The following LHX8 variants were observed in gnomAD, a reference collection of about 807,000 sequenced individuals.
LHX8 encodes LIM homeobox 8, also known as LIM/homeobox protein Lhx8.
In LHX8, 12 loss-of-function variants were observed where a neutral mutation model predicts 40.3. The ratio of observed to expected loss-of-function variants is 0.30; its 90% CI spans 0.19 to 0.48. LHX8 has a LOEUF of 0.48. Among genes scored for constraint, LHX8 ranks in the 20% least tolerant of loss-of-function variants. The pLI, the probability that LHX8 is intolerant of heterozygous loss-of-function variation, is 0.99. For missense variants in LHX8, 344 were observed against 433.7 expected, an observed-to-expected ratio of 0.79 and a Z score of 1.84; for synonymous variants, 179 against 162.0, an observed-to-expected ratio of 1.10 and a Z score of -0.80.
At chr1:75,186,508 A>G in the LHX8 span, among the ~76,000 whole-genome samples, 1 of 152,190 alleles carries the variant, frequency 6.6e-6, no homozygotes, top group Non-Finnish European at 1.5e-5. Flanking sequence ...AGTTGGGGAG[A>G]CATTTCCTTT....
At chr1:75,143,644 C>A (rs11807782) in intron 5 of LHX8, among the ~76,000 whole-genome samples, 1,820 of 152,220 alleles carry the variant, frequency 0.012, 47 homozygotes, top group African/African-American at 0.042. Context: ...ACTTTTTGAA[C>A]TTTTCACTAA....
At chr1:75,148,524 T>C in intron 6 of LHX8, 63 bp from the exon 7 acceptor site, 1 of 1,115,714 alleles carries the variant, frequency 9.0e-7, no homozygotes. Context: ...ATGATAAAAA[T>C]GCAGGAAGAA....
intron 8 of LHX8, among the ~76,000 whole-genome samples, chr1:75,157,539 A>G (rs1313227106): frequency 1.3e-5 from 2 of 152,202 alleles, no homozygotes; most frequent in African/African-American, 2.4e-5. Context: ...ATCCATATAG[A>G]TATTGCCCAA....
the LHX8 span, among the ~76,000 whole-genome samples, chr1:75,196,225 T>C: frequency 6.6e-6 from 1 of 152,132 alleles, no homozygotes; most frequent in Non-Finnish European, 1.5e-5. Flanking sequence ...AGCACTATTG[T>C]CAATATTCTG....
At chr1:75,168,076 C>T in the LHX8 span, among the ~76,000 whole-genome samples, 1 of 152,200 alleles carries the variant, frequency 6.6e-6, no homozygotes, top group Non-Finnish European at 1.5e-5. Flanking sequence ...TCGAATGGCT[C>T]CTCCCATTTT....
rs899477788 is a variant in LHX8 at position 75,140,158 on chromosome 1, A to G, written c.238-827A>G. On this transcript the variant is annotated intron_variant, in intron 3 of 8. Transcript: ENST00000356261. ...ATGGCAACAGTTTAAAGTAAGAGTA[A>G]TTATGACTTGTTCCCTGGATTGACA... Among the ~76,000 whole-genome samples, 5 of 152,332 alleles carry G rather than the reference A, an allele frequency of 3.3e-5. No individual in the cohort carries two copies. The East Asian group carries it at 7.7e-4, about 23-fold the overall frequency.
the LHX8 span, among the ~76,000 whole-genome samples, chr1:75,187,490 G>A: frequency 6.6e-6 from 1 of 152,170 alleles, no homozygotes; most frequent in African/African-American, 2.4e-5. Flanking sequence ...TTGGCTATTG[G>A]AAAGGGTCTT....
At chr1:75,157,852 T>G (rs993839663) in intron 8 of LHX8, among the ~76,000 whole-genome samples, 1 of 152,254 alleles carries the variant, frequency 6.6e-6, no homozygotes, top group Non-Finnish European at 1.5e-5. Flanking sequence ...TGTGCTTTTA[T>G]GAATATGCTG....
At chr1:75,146,549 T>G (rs1648464318) in intron 6 of LHX8, among the ~76,000 whole-genome samples, 1 of 152,168 alleles carries the variant, frequency 6.6e-6, no homozygotes, top group South Asian at 2.1e-4. Flanking sequence ...TCCTGACTTT[T>G]CTGGTAGATC....
chr1:75,130,643 G>C (rs1647937563), upstream of LHX8: 1 of 1,321,772 alleles, frequency 7.6e-7, no homozygotes, highest in African/African-American at 1.4e-5. Flanking sequence ...GGGTAGCAAG[G>C]TATAAAACGG....
At chr1:75,155,748 G>A (rs574393138) in intron 7 of LHX8, among the ~76,000 whole-genome samples, 2 of 152,236 alleles carry the variant, frequency 1.3e-5, no homozygotes, top group African/African-American at 4.8e-5. Flanking sequence ...CTCATCAGTG[G>A]ATGTGTTTGT....
At chr1:75,181,010 A>T in the LHX8 span, among the ~76,000 whole-genome samples, 6 of 146,982 alleles carry the variant, frequency 4.1e-5, no homozygotes, top group African/African-American at 1.5e-4. Flanking sequence ...TTGCCTGGGT[A>T]TCACCAGCGT....
chr1:75,150,281 G>T (rs1185951522), intron 7 of LHX8, among the ~76,000 whole-genome samples: 2 of 152,182 alleles, frequency 1.3e-5, no homozygotes, highest in Non-Finnish European at 2.9e-5. Context: ...AGTAATCTTG[G>T]GAATGGTGCC....
At chr1:75,189,999 G>A in the LHX8 span, among the ~76,000 whole-genome samples, 1 of 152,098 alleles carries the variant, frequency 6.6e-6, no homozygotes, top group African/African-American at 2.4e-5. Flanking sequence ...ATATGATATG[G>A]CCCCTGCCTC....
chr1:75,140,952 A>G (rs1211090032), intron 3 of LHX8, 33 bp from the exon 4 acceptor site: 1 of 1,611,974 alleles, frequency 6.2e-7, no homozygotes, highest in Non-Finnish European at 8.5e-7. Flanking sequence ...TTTCTTAAAT[A>G]TGATATTACA....
the LHX8 span, among the ~76,000 whole-genome samples, chr1:75,184,389 A>G: frequency 6.6e-6 from 1 of 152,190 alleles, no homozygotes; most frequent in Non-Finnish European, 1.5e-5. Context: ...TCCTTAGCAA[A>G]TAGGAAAAAA....
chr1:75,136,541 G>A, intron 1 of LHX8, 62 bp from the exon 2 acceptor site: 1 of 1,233,418 alleles, frequency 8.1e-7, no homozygotes. Flanking sequence ...AGGCTGGGGC[G>A]GGCAGCACGC....
At chr1:75,158,312 G>T (rs541672879) in intron 8 of LHX8, among the ~76,000 whole-genome samples, 1 of 152,204 alleles carries the variant, frequency 6.6e-6, no homozygotes, top group African/African-American at 2.4e-5. Flanking sequence ...TATGTGCTTA[G>T]AATATTTTCT....
the LHX8 span, among the ~76,000 whole-genome samples, chr1:75,191,531 G>A: frequency 2.2e-4 from 34 of 152,152 alleles, 2 homozygotes; most frequent in Admixed American, 2.1e-3. Flanking sequence ...GGAGCCAACC[G>A]CAGCCAGTGT....
Sources: gnomAD v4.1 joint callset for allele counts (sites outside exome capture counted in the v4.1 genomes callset) on GRCh38, gnomAD v4.1.1 for gene constraint, MANE v1.5 for transcripts, NCBI Gene and HGNC (gene_info 2026-07-23, HGNC 2026-07-21) for gene names.